The following DDX46 variants were observed in gnomAD, a reference collection of about 807,000 sequenced individuals.
DDX46 encodes probable ATP-dependent RNA helicase DDX46.
A neutral mutation model predicts 134.9 loss-of-function variants in DDX46; 30 were observed. That is an observed-to-expected ratio of 0.22 (90% CI 0.17 to 0.30). DDX46 has a LOEUF of 0.30. DDX46 is among the 10% of genes least tolerant of loss of function. The pLI, the probability that DDX46 is intolerant of heterozygous loss-of-function variation, is 1.00. For missense variants in DDX46, 622 were observed against 1,248.7 expected, an observed-to-expected ratio of 0.50 and a Z score of 7.56; for synonymous variants, 415 against 404.1, an observed-to-expected ratio of 1.03 and a Z score of -0.32.
At chr5:134,818,043 G>A (rs1469802755) in intron 20 of DDX46, among the ~76,000 whole-genome samples, 15 of 150,926 alleles carry the variant, frequency 9.9e-5, no homozygotes, top group Admixed American at 2.0e-4. Context: ...TCCGCCTCCC[G>A]GGTTCAAGCG....
Position 134,785,474 on chromosome 5 carries a change from T to C in DDX46, c.1352T>C (p.Met451Thr). 6.2e-7 allele frequency: 1 copy of C among 1,613,130 alleles called. No homozygotes were observed. The highest frequency in any genetic ancestry group is 8.5e-7 in the Non-Finnish European group (1 of 1,179,646). The change falls in exon 11 of 23, where the codon ATG (methionine) becomes ACG (threonine). Residue 451 changes from methionine to threonine, a missense_variant. By Grantham distance (81) the Met-to-Thr change is moderately conservative. Coordinates refer to ENST00000452510, the MANE Select transcript of DDX46 (RefSeq NM_001300860.2). ...EEGEGPIAVI[M>T]TPTRELALQI... ...GTATTTATCTTTCCAGCTGTCATCATGACTCCAACTCGAGAACTGGCTTTA... is the reference window on the plus strand; with the variant it reads ...GTATTTATCTTTCCAGCTGTCATCACGACTCCAACTCGAGAACTGGCTTTA...
In DDX46 at chr5:134,829,608, A is replaced by G. The variant is rs905762711; in HGVS notation, c.*902A>G. On this transcript the variant is annotated 3_prime_UTR_variant, in exon 23 of 23. Coordinates refer to ENST00000452510, the MANE Select transcript of DDX46 (RefSeq NM_001300860.2). ...AAATTGTAAAACATAATGGTACCCA[A>G]GTTTTAAACTTAGATGTGCTTCATC... 8 of 152,186 alleles carry G rather than the reference A, an allele frequency of 5.3e-5. No individual in the cohort carries two copies. The highest frequency in any genetic ancestry group is 1.9e-4 in the African/African-American group (8 of 41,428). The allele number at this position is 152,186 out of a possible 1,614,324, so 9.4% of individuals were successfully genotyped here. A position where few individuals can be genotyped will look rare whatever the true frequency, so the allele number is the denominator to read the frequency against.
Position 134,767,080 on chromosome 5 carries a change from G to A in DDX46, c.350+20G>A, listed in dbSNP as rs753672147. The A allele has an allele frequency of 4.4e-6, 7 of 1,604,776 alleles. No individual in the cohort carries two copies. The highest frequency in any genetic ancestry group is 3.4e-4 in the Middle Eastern group (2 of 5,900). ...GAATAGGTAATGTTATCATTGGGCT[G>A]CATCTATAGTGCAGACTGGGGACTG... On this transcript the variant is annotated intron_variant, in intron 3 of 22. Transcript: ENST00000452510.
In DDX46 at chr5:134,823,157, CT is replaced by C. The variant is rs201053941; in HGVS notation, c.2978-3768del. 8.2e-3 allele frequency among the ~76,000 whole-genome samples: 910 copies of C among 111,202 alleles called. 2 individuals carry two copies. The highest frequency in any genetic ancestry group is 0.022 in the African/African-American group (653 of 29,592). The allele number at this position is 111,202 out of a possible 152,430, so 73.0% of individuals were successfully genotyped here. A position where few individuals can be genotyped will look rare whatever the true frequency, so the allele number is the denominator to read the frequency against. Reference sequence around the variant, plus strand: ...TTATCTGAGAATTTCTTAATTTCATCTTTTTTTTTTTTTTTTTTTTTTGACA... The same window carrying C: ...TTATCTGAGAATTTCTTAATTTCATCTTTTTTTTTTTTTTTTTTTTTGACA... On this transcript the variant is annotated intron_variant, in intron 21 of 22. Coordinates refer to ENST00000452510, the MANE Select transcript of DDX46 (RefSeq NM_001300860.2).
rs1755706458 is a variant in DDX46, at chr5:134,830,402, AGG to A, written c.*1699_*1700del. 6.6e-6 allele frequency: 1 copy of A among 152,030 alleles called. No individual in the cohort carries two copies. Among genetic ancestry groups the A allele is most frequent in the African/African-American group, 2.4e-5 (1 of 41,276 alleles). The allele number at this position is 152,030 out of a possible 1,614,324, so 9.4% of individuals were successfully genotyped here. On this transcript the variant is annotated 3_prime_UTR_variant, in exon 23 of 23. Coordinates refer to ENST00000452510, the MANE Select transcript of DDX46 (RefSeq NM_001300860.2). ...GATTTTGGTATAGAGGAGGGGTTTAAGGGGTGTCCTGCAATCAGTCCCCCTCT... is the reference window on the plus strand; with the variant it reads ...GATTTTGGTATAGAGGAGGGGTTTAAGGTGTCCTGCAATCAGTCCCCCTCT...
chr5:134,782,938 T>C lies in DDX46; in HGVS notation c.1046-7T>C. 1 of 1,611,654 alleles carries C rather than the reference T, an allele frequency of 6.2e-7. No individual in the cohort carries two copies. Among genetic ancestry groups the C allele is most frequent in the Non-Finnish European group, 8.5e-7 (1 of 1,178,952 alleles). On this transcript the variant is annotated splice_region_variant and splice_polypyrimidine_tract_variant and intron_variant, in intron 8 of 22. Coordinates refer to ENST00000452510, the MANE Select transcript of DDX46 (RefSeq NM_001300860.2). ...TAAGAACTTTTAATCTGGGTTTTGT[T>C]TTGTAGAGGTAAATGTGTTTCGATT...
At chr5:134,786,886 TA>T (rs1754354057) in intron 11 of DDX46, among the ~76,000 whole-genome samples, 1 of 149,430 alleles carries the variant, frequency 6.7e-6, no homozygotes, top group Non-Finnish European at 1.5e-5. Flanking sequence ...GATGCATTAA[TA>T]TCAGAGGTGT....
rs1239195286 is a variant in DDX46, at chr5:134,830,322, C to T, written c.*1616C>T. Reference sequence around the variant, plus strand: ...CGGTTAAAGTATACAGGAGGATGTGCATCGGTTATATGCATATAGCAAGCC... The same window carrying T: ...CGGTTAAAGTATACAGGAGGATGTGTATCGGTTATATGCATATAGCAAGCC... On this transcript the variant is annotated 3_prime_UTR_variant, in exon 23 of 23. Transcript: ENST00000452510. 1 of 151,884 alleles carries T rather than the reference C, an allele frequency of 6.6e-6. No individual in the cohort carries two copies. Among genetic ancestry groups the T allele is most frequent in the Non-Finnish European group, 1.5e-5 (1 of 67,988 alleles). The allele number at this position is 151,884 out of a possible 1,614,324, so 9.4% of individuals were successfully genotyped here. A position where few individuals can be genotyped will look rare whatever the true frequency, so the allele number is the denominator to read the frequency against.
chr5:134,811,991 CTACA>C (rs1332100863), intron 18 of DDX46, 146 bp downstream of exon 18: 2 of 775,688 alleles, frequency 2.6e-6, no homozygotes, highest in Non-Finnish European at 3.8e-6. Context: ...AATCTGCCTA[CTACA>C]TACCAGTACC....
At chr5:134,775,061 C>T (rs955609567) in intron 5 of DDX46, among the ~76,000 whole-genome samples, 4 of 152,060 alleles carry the variant, frequency 2.6e-5, no homozygotes, top group African/African-American at 9.7e-5. Context: ...CTCAGGTGAT[C>T]CTCCCACTTT....
chr5:134,770,761 G>T, intron 3 of DDX46, 142 bp from the exon 4 acceptor site: 1 of 595,664 alleles, frequency 1.7e-6, no homozygotes. Context: ...GCAGTGAGCT[G>T]AGATCGCACC....
chr5:134,774,939 G>A (rs1482773416), intron 5 of DDX46, among the ~76,000 whole-genome samples: 1 of 151,822 alleles, frequency 6.6e-6, no homozygotes, highest in Non-Finnish European at 1.5e-5. Flanking sequence ...CTATTCTCTT[G>A]CGCCTCAGCT....
At chr5:134,821,552 G>C (rs1432399571) in intron 21 of DDX46, among the ~76,000 whole-genome samples, 1 of 104,962 alleles carries the variant, frequency 9.5e-6, no homozygotes, top group Non-Finnish European at 1.9e-5. Context: ...TTTTTTTTTT[G>C]AGAGGGAGTC....
chr5:134,768,878 G>A (rs1053484487), intron 3 of DDX46, among the ~76,000 whole-genome samples: 1 of 152,094 alleles, frequency 6.6e-6, no homozygotes, highest in South Asian at 2.1e-4. Context: ...GACCAACATG[G>A]TGAAACCTCG....
intron 15 of DDX46, among the ~76,000 whole-genome samples, chr5:134,805,389 A>G (rs1754954903): frequency 6.6e-6 from 1 of 152,038 alleles, no homozygotes; most frequent in African/African-American, 2.4e-5. Flanking sequence ...GCTGGTCTTG[A>G]AATCCTGAGC....
At chr5:134,810,752 TC>T (rs1020602725) in intron 16 of DDX46, among the ~76,000 whole-genome samples, 3 of 150,320 alleles carry the variant, frequency 2.0e-5, no homozygotes, top group South Asian at 2.2e-4. Flanking sequence ...GTGCCTGTAA[TC>T]CCAGCACTTT....
chr5:134,766,523 C>T (rs1753572037), intron 2 of DDX46, among the ~76,000 whole-genome samples: 1 of 150,778 alleles, frequency 6.6e-6, no homozygotes, highest in Non-Finnish European at 1.5e-5. Context: ...CATTGCACTC[C>T]AGCCTGGGCA....
intron 6 of DDX46, 194 bp from the exon 7 acceptor site, chr5:134,780,939 C>G (rs754744817): frequency 2.5e-6 from 1 of 392,340 alleles, no homozygotes; most frequent in South Asian, 3.1e-5. Flanking sequence ...ACTGATGGGA[C>G]GAATCCTTGA....
chr5:134,760,533 G>A (rs1753345154), intron 1 of DDX46, among the ~76,000 whole-genome samples: 1 of 152,160 alleles, frequency 6.6e-6, no homozygotes. Context: ...TAAAAAGTGT[G>A]TAATAGAATC....
Sources: allele counts gnomAD v4.1 joint callset (sites outside exome capture counted in the v4.1 genomes callset), GRCh38; gene constraint gnomAD v4.1.1; transcripts MANE v1.5; gene names NCBI Gene and HGNC (gene_info 2026-07-23, HGNC 2026-07-21).